Variants in P4HA1 observed in about 807,000 individuals in gnomAD.
The protein encoded by P4HA1 is prolyl 4-hydroxylase subunit alpha-1.
P4HA1 carries 24 observed loss-of-function variants against 72.8 expected under a neutral mutation model. That is an observed-to-expected ratio of 0.33 (90% CI 0.24 to 0.46). The LOEUF (loss-of-function observed/expected upper bound fraction) is 0.46. Ranked by LOEUF, P4HA1 falls within the 20% of genes least tolerant of loss-of-function variation. P4HA1 has a pLI of 1.00. For synonymous variants in P4HA1, 201 were observed against 218.8 expected (o/e 0.92, Z 0.72); for missense variants, 446 against 640.6 (o/e 0.70, Z 3.28).
chr10:73,087,415 C>T (rs1398058918), intron 1 of P4HA1, among the ~76,000 whole-genome samples: 5 of 151,590 alleles, frequency 3.3e-5, no homozygotes, highest in African/African-American at 9.7e-5. Context: ...ATTACAGGCA[C>T]GTGCCACCAC....
At chr10:73,066,241 A>G (rs1841418674) in intron 5 of P4HA1, among the ~76,000 whole-genome samples, 1 of 152,168 alleles carries the variant, frequency 6.6e-6, no homozygotes, top group Admixed American at 6.5e-5. Context: ...AATTTCAGTT[A>G]TTCTACTTAT....
At chr10:73,046,643 AG>A (rs2133089441) in intron 8 of P4HA1, among the ~76,000 whole-genome samples, 1 of 152,334 alleles carries the variant, frequency 6.6e-6, no homozygotes, top group South Asian at 2.1e-4. Flanking sequence ...AAAGTTTATC[AG>A]GAAGACAGTG....
intron 14 of P4HA1, among the ~76,000 whole-genome samples, chr10:73,008,826 A>ATT (rs10649250): frequency 0.026 from 3,811 of 149,022 alleles, 156 homozygotes; most frequent in African/African-American, 0.087. Context: ...TTAATTTTCT[A>ATT]TTTTTTTTTT....
At chr10:73,094,401 G>A (rs1310451815) in intron 1 of P4HA1, among the ~76,000 whole-genome samples, 2 of 152,204 alleles carry the variant, frequency 1.3e-5, no homozygotes, top group East Asian at 3.9e-4. Flanking sequence ...ACTTGAGTGG[G>A]GGGGCAGGAA....
chr10:73,073,170 A>C (rs1178062901), intron 3 of P4HA1, among the ~76,000 whole-genome samples: 9 of 98,710 alleles, frequency 9.1e-5, no homozygotes, highest in South Asian at 7.9e-4. Context: ...ACTCTGTCAC[A>C]AAAAAAAAAA....
intron 1 of P4HA1, among the ~76,000 whole-genome samples, chr10:73,081,487 C>A (rs961458799): frequency 7.9e-5 from 12 of 152,034 alleles, no homozygotes; most frequent in African/African-American, 2.9e-4. Flanking sequence ...TGGAAGAAAT[C>A]CTACCAGAAA....
chr10:73,092,166 GATGTGAATCT>G (rs1339668267), intron 1 of P4HA1, among the ~76,000 whole-genome samples: 1 of 152,042 alleles, frequency 6.6e-6, no homozygotes, highest in Admixed American at 6.6e-5. Context: ...GGTTGTAGAG[GATGTGAATCT>G]AGATATGCAT....
At chr10:73,020,749 G>A (rs1840116518) in intron 10 of P4HA1, among the ~76,000 whole-genome samples, 2 of 152,176 alleles carry the variant, frequency 1.3e-5, no homozygotes, top group Admixed American at 1.3e-4. Context: ...TTTGTGGGGT[G>A]CAAGGTTGGT....
intron 13 of P4HA1, 32 bp from the exon 14 acceptor site, chr10:73,009,935 T>C (rs563063202): frequency 1.4e-5 from 17 of 1,184,110 alleles, no homozygotes; most frequent in South Asian, 3.7e-5. Context: ...TATCCCCAAG[T>C]ATACAATGCC....
At chr10:73,086,530 T>C (rs902394655) in intron 1 of P4HA1, among the ~76,000 whole-genome samples, 7 of 152,228 alleles carry the variant, frequency 4.6e-5, no homozygotes, top group African/African-American at 1.4e-4. Context: ...AAATTGATTG[T>C]TGTGGTAACA....
chr10:73,022,858 C>T (rs1016589440), intron 10 of P4HA1, among the ~76,000 whole-genome samples: 5 of 152,062 alleles, frequency 3.3e-5, no homozygotes, highest in African/African-American at 9.7e-5. Context: ...GCACAAGCTT[C>T]GGTAGCCGAT....
intron 1 of P4HA1, among the ~76,000 whole-genome samples, chr10:73,079,912 C>T (rs927471140): frequency 6.6e-6 from 1 of 152,134 alleles, no homozygotes; most frequent in African/African-American, 2.4e-5. Context: ...CTTTCATTCT[C>T]ATTAACATAA....
intron 9 of P4HA1, among the ~76,000 whole-genome samples, chr10:73,044,422 C>T (rs1564627060): frequency 6.6e-6 from 1 of 152,094 alleles, no homozygotes; most frequent in East Asian, 1.9e-4. Context: ...AGCTCAGAAG[C>T]GTAACTCTGT....
At position 73,047,195 on chromosome 10, in the gene P4HA1, C is replaced by T. The variant is rs1196115513; in HGVS notation, c.901-94G>A. ...AGATAAGAGACAATAATCATGCTTG[C>T]ATATACAGAGTATCTCTGGAAAAAC... On this transcript the variant is annotated intron_variant, in intron 7 of 14. Coordinates refer to ENST00000394890, the MANE Select transcript of P4HA1 (RefSeq NM_001017962.3). The T allele has an allele frequency of 3.3e-6, 3 of 903,548 alleles. No individual in the cohort carries two copies. The East Asian group carries it at 8.0e-5, about 24-fold the overall frequency. 56.0% of individuals were successfully genotyped at this position (903,548 alleles called of 1,614,324 possible).
intron 1 of P4HA1, among the ~76,000 whole-genome samples, chr10:73,082,042 C>A (rs943092781): frequency 1.3e-5 from 2 of 152,164 alleles, no homozygotes; most frequent in Non-Finnish European, 2.9e-5. Flanking sequence ...ATACTTTGAC[C>A]CCACAACCAT....
chr10:73,016,419 GT>G (rs1840008553), intron 11 of P4HA1, among the ~76,000 whole-genome samples: 16 of 152,112 alleles, frequency 1.1e-4, no homozygotes, highest in Admixed American at 1.0e-3. Context: ...TATCGCAATG[GT>G]CCCCCCTTGA....
At chr10:73,078,904 G>A (rs1000368861) in intron 1 of P4HA1, among the ~76,000 whole-genome samples, 3 of 151,784 alleles carry the variant, frequency 2.0e-5, no homozygotes, top group South Asian at 2.1e-4. Context: ...GAGCCACCGC[G>A]CCCGGCTGGT....
intron 12 of P4HA1, among the ~76,000 whole-genome samples, chr10:73,013,188 GCT>G (rs561928614): frequency 1.5e-3 from 231 of 152,276 alleles, no homozygotes; most frequent in African/African-American, 5.2e-3. Context: ...CATCCTACAT[GCT>G]CTTTTTATGT....
At chr10:73,021,680 G>C (rs888569323) in intron 10 of P4HA1, among the ~76,000 whole-genome samples, 1 of 152,210 alleles carries the variant, frequency 6.6e-6, no homozygotes, top group African/African-American at 2.4e-5. Flanking sequence ...CCAAAGCAGG[G>C]CGGGGCATCG....
Sources: allele counts gnomAD v4.1 joint callset (sites outside exome capture counted in the v4.1 genomes callset), GRCh38; gene constraint gnomAD v4.1.1; transcripts MANE v1.5; gene names NCBI Gene and HGNC (gene_info 2026-07-23, HGNC 2026-07-21).